Variants in CNTNAP2 observed in about 807,000 individuals in gnomAD.
The protein encoded by CNTNAP2 is contactin associated protein 2, also known as contactin-associated protein-like 2.
A neutral mutation model predicts 155.2 loss-of-function variants in CNTNAP2; 98 were observed. That is an observed-to-expected ratio of 0.63 (90% CI 0.54 to 0.75). CNTNAP2 has a LOEUF of 0.75. Among genes scored for constraint, CNTNAP2 ranks in the 30% least tolerant of loss-of-function variants. The pLI is 0.00. For missense variants in CNTNAP2, 1,727 were observed against 1,688.1 expected (o/e 1.02, Z -0.40); for synonymous variants, 651 against 631.2 (o/e 1.03, Z -0.47).
intron 9 of CNTNAP2, among the ~76,000 whole-genome samples, chr7:147,395,344 G>A (rs1796796244): frequency 6.6e-6 from 1 of 152,010 alleles, no homozygotes; most frequent in East Asian, 1.9e-4. Flanking sequence ...GAAAGATGAT[G>A]TCAAAAGAGA....
chr7:146,593,603 T>C (rs1392158642), intron 1 of CNTNAP2, among the ~76,000 whole-genome samples: 1 of 152,108 alleles, frequency 6.6e-6, no homozygotes, highest in East Asian at 1.9e-4. Flanking sequence ...ATGTGGCAAG[T>C]ACTCATTAAA....
intron 12 of CNTNAP2, among the ~76,000 whole-genome samples, chr7:147,570,378 C>A (rs1800264043): frequency 6.6e-6 from 1 of 152,168 alleles, no homozygotes; most frequent in Admixed American, 6.5e-5. Flanking sequence ...TTATTTCTAC[C>A]TTTTGAGTAA....
intron 14 of CNTNAP2, among the ~76,000 whole-genome samples, chr7:147,948,954 C>A (rs1800871204): frequency 6.6e-6 from 1 of 152,026 alleles, no homozygotes; most frequent in South Asian, 2.1e-4. Flanking sequence ...GTAATCCCAG[C>A]ACTTTGGGAG....
intron 13 of CNTNAP2, among the ~76,000 whole-genome samples, chr7:147,772,664 C>T (rs757719648): frequency 3.0e-4 from 45 of 151,788 alleles, no homozygotes; most frequent in Non-Finnish European, 5.2e-4. Context: ...GACACCATTG[C>T]CTTCTTTCTT....
chr7:147,715,295 A>G (rs1784045626), intron 13 of CNTNAP2, among the ~76,000 whole-genome samples: 1 of 152,154 alleles, frequency 6.6e-6, no homozygotes, highest in Non-Finnish European at 1.5e-5. Flanking sequence ...TTAGATTCCC[A>G]TCAGGAATGT....
At chr7:146,911,809 TAAAA>T (rs959072086) in intron 3 of CNTNAP2, among the ~76,000 whole-genome samples, 1 of 151,562 alleles carries the variant, frequency 6.6e-6, no homozygotes, top group African/African-American at 2.4e-5. Flanking sequence ...AGTATAATAA[TAAAA>T]AAAATAAATA....
At chr7:147,855,043 T>G (rs760916657) in intron 13 of CNTNAP2, among the ~76,000 whole-genome samples, 1 of 152,198 alleles carries the variant, frequency 6.6e-6, no homozygotes, top group Non-Finnish European at 1.5e-5. Flanking sequence ...AATTGACTTT[T>G]AAAAATTCAT....
intron 1 of CNTNAP2, among the ~76,000 whole-genome samples, chr7:146,636,530 C>T (rs974930230): frequency 6.6e-6 from 1 of 152,142 alleles, no homozygotes; most frequent in African/African-American, 2.4e-5. Flanking sequence ...CTAAAGAAAT[C>T]TGAAATTACT....
chr7:148,017,154 C>G (rs547762203), intron 15 of CNTNAP2, among the ~76,000 whole-genome samples: 1 of 152,196 alleles, frequency 6.6e-6, no homozygotes, highest in African/African-American at 2.4e-5. Flanking sequence ...TTCTCATCTG[C>G]GTATGGTTGC....
intron 1 of CNTNAP2, among the ~76,000 whole-genome samples, chr7:146,633,538 T>C (rs1218174988): frequency 1.3e-5 from 2 of 152,152 alleles, no homozygotes; most frequent in African/African-American, 4.8e-5. Context: ...CATAATAAAT[T>C]GCATGAACAA....
At chr7:146,795,276 A>G (rs1563233708) in intron 2 of CNTNAP2, among the ~76,000 whole-genome samples, 1 of 152,166 alleles carries the variant, frequency 6.6e-6, no homozygotes, top group African/African-American at 2.4e-5. Flanking sequence ...GTATATCGAC[A>G]TTTTGCCAAC....
At chr7:147,462,214 C>T (rs1798037443) in intron 10 of CNTNAP2, among the ~76,000 whole-genome samples, 1 of 152,162 alleles carries the variant, frequency 6.6e-6, no homozygotes, top group African/African-American at 2.4e-5. Flanking sequence ...ATATATATAG[C>T]AACCCTGTAT....
intron 19 of CNTNAP2, among the ~76,000 whole-genome samples, chr7:148,229,301 A>G (rs779923246): frequency 5.3e-5 from 8 of 152,210 alleles, no homozygotes; most frequent in Non-Finnish European, 8.8e-5. Flanking sequence ...AGGCGAACGG[A>G]TAGCCTGAGG....
chr7:146,562,216 A>G (rs1207001531), intron 1 of CNTNAP2, among the ~76,000 whole-genome samples: 1 of 152,208 alleles, frequency 6.6e-6, no homozygotes, highest in Non-Finnish European at 1.5e-5. Context: ...GATATAAAAT[A>G]CTTTTACATT....
chr7:146,184,226 G>T (rs942244072), intron 1 of CNTNAP2, among the ~76,000 whole-genome samples: 6 of 152,096 alleles, frequency 3.9e-5, no homozygotes, highest in African/African-American at 1.2e-4. Flanking sequence ...ACAGAATGAG[G>T]TTACATGTTA....
intron 10 of CNTNAP2, among the ~76,000 whole-genome samples, chr7:147,479,507 G>T (rs28582288): frequency 0.23 from 34,733 of 152,152 alleles, 4,484 homozygotes; most frequent in African/African-American, 0.35. Context: ...AGATGGTTTT[G>T]CAGGTTCTTT....
In CNTNAP2 at chr7:146,931,027, C is replaced by T. The variant is rs201480692; in HGVS notation, c.402+91123C>T. 7.9e-5 allele frequency among the ~76,000 whole-genome samples: 12 copies of T among 151,882 alleles called. No individual in the cohort carries two copies. The South Asian group carries it at 1.3e-3, about 16-fold the overall frequency. ...CCACTGTCAACATCAGACAGATCAA[C>T]GAGACAGAAAGTTAACAAGGATACC... On this transcript the variant is annotated intron_variant, in intron 3 of 23. Coordinates refer to ENST00000361727, the MANE Select transcript of CNTNAP2 (RefSeq NM_014141.6).
chr7:146,595,296 T>C (rs897058446), intron 1 of CNTNAP2, among the ~76,000 whole-genome samples: 3 of 152,092 alleles, frequency 2.0e-5, no homozygotes, highest in Admixed American at 1.3e-4. Flanking sequence ...GTTCTAACAT[T>C]GTCACATGCC....
At chr7:147,285,442 A>T (rs932470111) in intron 8 of CNTNAP2, among the ~76,000 whole-genome samples, 2 of 152,008 alleles carry the variant, frequency 1.3e-5, no homozygotes, top group Non-Finnish European at 2.9e-5. Context: ...CATACATACT[A>T]TTTTAAAGGA....
Sources: allele counts gnomAD v4.1 joint callset (sites outside exome capture counted in the v4.1 genomes callset), GRCh38; gene constraint gnomAD v4.1.1; transcripts MANE v1.5; gene names NCBI Gene and HGNC (gene_info 2026-07-23, HGNC 2026-07-21).